SLC7A1: variants seen among roughly 807,000 people sequenced by gnomAD.
SLC7A1 encodes the protein solute carrier family 7 member 1, also known as high affinity cationic amino acid transporter 1.
Under a neutral mutation model 53.9 loss-of-function variants are expected in SLC7A1, and 10 were observed. The ratio of observed to expected loss-of-function variants is 0.19; its 90% confidence interval spans 0.11 to 0.31. The LOEUF is 0.31. Ranked by LOEUF, SLC7A1 falls within the 10% of genes least tolerant of loss-of-function variation. SLC7A1 has a pLI of 1.00. For synonymous variants in SLC7A1, 342 were observed against 338.7 expected (o/e 1.01, Z -0.11); for missense variants, 525 against 827.2 (o/e 0.63, Z 4.48).
intron 1 of SLC7A1, among the ~76,000 whole-genome samples, chr13:29,560,053 C>T (rs1256739947): frequency 6.6e-6 from 1 of 152,142 alleles, no homozygotes; most frequent in Non-Finnish European, 1.5e-5. Flanking sequence ...AATAACACAG[C>T]TTAAAACACA....
At chr13:29,583,808 A>G (rs187983363) in intron 1 of SLC7A1, among the ~76,000 whole-genome samples, 2 of 152,372 alleles carry the variant, frequency 1.3e-5, no homozygotes, top group Admixed American at 1.3e-4. Context: ...CATTCTTCCC[A>G]GTTCAATAAA....
At chr13:29,573,701 T>C (rs1871294074) in intron 1 of SLC7A1, among the ~76,000 whole-genome samples, 1 of 152,340 alleles carries the variant, frequency 6.6e-6, no homozygotes, top group East Asian at 1.9e-4. Context: ...TATATCACAA[T>C]GATGTCCCAA....
intron 1 of SLC7A1, among the ~76,000 whole-genome samples, chr13:29,576,293 T>TTTAAAAAAAAAAAAAAAAA (rs552407983): frequency 8.0e-6 from 1 of 124,954 alleles, no homozygotes; most frequent in African/African-American, 3.7e-5. Flanking sequence ...TCCTGTTTTT[T>TTTAAAAAAAAAAAAAAAAA]AAAAAAAAAA....
At chr13:29,555,490 A>T (rs1418645764) in intron 1 of SLC7A1, among the ~76,000 whole-genome samples, 1 of 151,798 alleles carries the variant, frequency 6.6e-6, no homozygotes, top group African/African-American at 2.4e-5. Flanking sequence ...CCTAACTGTC[A>T]GTTACTGCTA....
chr13:29,565,455 G>A (rs932351329), intron 1 of SLC7A1, among the ~76,000 whole-genome samples: 3 of 152,190 alleles, frequency 2.0e-5, no homozygotes, highest in African/African-American at 7.2e-5. Flanking sequence ...CCAGGGCATT[G>A]GCCTCCCAAG....
chr13:29,575,750 A>G (rs1449233474), intron 1 of SLC7A1, among the ~76,000 whole-genome samples: 2 of 152,212 alleles, frequency 1.3e-5, no homozygotes, highest in Admixed American at 1.3e-4. Context: ...TATTTTCAAT[A>G]CAGTACAAAC....
At chr13:29,530,980 G>A (rs1454391956) in intron 4 of SLC7A1, among the ~76,000 whole-genome samples, 2 of 152,102 alleles carry the variant, frequency 1.3e-5, no homozygotes, top group Non-Finnish European at 2.9e-5. Context: ...CCACCCAAGG[G>A]GCACCCGAGA....
At position 29,512,506 on chromosome 13, in the gene SLC7A1, C is replaced by T. The variant is rs77301268; in HGVS notation, c.*1974G>A. ...AAAGCAATTCTCTCCCACCACTTCA[C>T]TTTTCTTGGAGACTGTCTATCCCTC... is the stretch of plus-strand genomic sequence containing the variant. On this transcript the variant is annotated 3_prime_UTR_variant, in exon 13 of 13. Coordinates refer to ENST00000380752, the MANE Select transcript of SLC7A1 (RefSeq NM_003045.5). The T allele has an allele frequency of 6.6e-6, 1 of 152,204 alleles. No homozygotes were observed. Among genetic ancestry groups the T allele is most frequent in the Non-Finnish European group, 1.5e-5 (1 of 68,034 alleles). The allele number at this position is 152,204 out of a possible 1,614,324, so 9.4% of individuals were successfully genotyped here.
In SLC7A1 at chr13:29,592,659, T is replaced by C. The variant is rs143771377; in HGVS notation, c.-115+2757A>G. ...TGGGAGTGGGGGAGGAGGCAGATTA[T>C]GGCAAAACAGAAAGGGAGGCCACTA... On this transcript the variant is annotated intron_variant, in intron 1 of 12. Transcript: ENST00000380752. Among the ~76,000 whole-genome samples, 13 of 152,262 alleles carry C rather than the reference T, an allele frequency of 8.5e-5. No individual in the cohort carries two copies. The East Asian group carries it at 1.7e-3, about 20-fold the overall frequency.
At chr13:29,579,538 T>A (rs993250218) in intron 1 of SLC7A1, among the ~76,000 whole-genome samples, 1 of 152,160 alleles carries the variant, frequency 6.6e-6, no homozygotes, top group Admixed American at 6.5e-5. Flanking sequence ...TTTTTTTATA[T>A]TTTTATTAGA....
At chr13:29,552,874 G>T (rs7328185) in intron 2 of SLC7A1, among the ~76,000 whole-genome samples, 1 of 151,996 alleles carries the variant, frequency 6.6e-6, no homozygotes, top group Admixed American at 6.5e-5. Context: ...TTCCTCTAGC[G>T]CCGCTGGGTT....
At chr13:29,581,386 C>G (rs1393118486) in intron 1 of SLC7A1, among the ~76,000 whole-genome samples, 1 of 151,862 alleles carries the variant, frequency 6.6e-6, no homozygotes, top group South Asian at 2.1e-4. Flanking sequence ...TGCAAACCCC[C>G]GTGCTAGGCA....
intron 5 of SLC7A1, among the ~76,000 whole-genome samples, chr13:29,525,422 T>C (rs1355977943): frequency 6.6e-6 from 1 of 152,178 alleles, no homozygotes; most frequent in Non-Finnish European, 1.5e-5. Context: ...CTAAACCTTG[T>C]CAGCATGAAG....
intron 1 of SLC7A1, among the ~76,000 whole-genome samples, chr13:29,593,941 T>C (rs1593589747): frequency 1.3e-5 from 2 of 152,364 alleles, no homozygotes; most frequent in Non-Finnish European, 1.5e-5. Context: ...GATCGTAATA[T>C]GCTAAACCTA....
chr13:29,553,425 C>T (rs1870290445), intron 2 of SLC7A1, among the ~76,000 whole-genome samples: 1 of 152,110 alleles, frequency 6.6e-6, no homozygotes, highest in Admixed American at 6.5e-5. Context: ...CTGATCCTTC[C>T]CCAGAGCCTA....
In SLC7A1 at chr13:29,530,531, A is replaced by G. The variant is rs770511167; in HGVS notation, c.704+7T>C. ...ACTAAGAAAAATGGTCAGAAGCAGC[A>G]ACTCACTTGTTCAAACAGAGACGGC... On this transcript the variant is annotated splice_region_variant and intron_variant, in intron 5 of 12. Coordinates refer to ENST00000380752, the MANE Select transcript of SLC7A1 (RefSeq NM_003045.5). 2 of 1,612,950 alleles carry G rather than the reference A, an allele frequency of 1.2e-6. No individual in the cohort carries two copies. The highest frequency in any genetic ancestry group is 1.7e-6 in the Non-Finnish European group (2 of 1,179,184).
intron 1 of SLC7A1, among the ~76,000 whole-genome samples, chr13:29,584,945 C>T (rs56853211): frequency 0.096 from 14,554 of 152,232 alleles, 870 homozygotes; most frequent in African/African-American, 0.16. Context: ...TCGCATCACG[C>T]TGAATAAAAT....
In SLC7A1 at chr13:29,517,285, A is replaced by G. The variant is rs1393185998; in HGVS notation, c.1536T>C (p.Ile512=). The G allele has an allele frequency of 5.0e-6, 8 of 1,613,040 alleles. No homozygotes were observed. The highest frequency in any genetic ancestry group is 6.8e-6 in the Non-Finnish European group (8 of 1,179,656). The change falls in exon 11 of 13, where the codon ATT becomes ATC. Residue 512 remains isoleucine (I), a synonymous_variant. Coordinates refer to ENST00000380752, the MANE Select transcript of SLC7A1 (RefSeq NM_003045.5). Reference sequence around the variant, plus strand: ...GAGCCTCCCTTCCAAGCACGGTCACAATGCAGAAGGTGATGATGAGAACAG... The same window carrying G: ...GAGCCTCCCTTCCAAGCACGGTCACGATGCAGAAGGTGATGATGAGAACAG... ...LIAVLIITFC[I]VTVLGREALT...
intron 2 of SLC7A1, among the ~76,000 whole-genome samples, chr13:29,538,025 G>A (rs1869502178): frequency 6.6e-6 from 1 of 152,220 alleles, no homozygotes; most frequent in Non-Finnish European, 1.5e-5. Flanking sequence ...TCCAGGTCGT[G>A]CAGCAACTGG....
Sources: allele counts gnomAD v4.1 joint callset (sites outside exome capture counted in the v4.1 genomes callset), GRCh38; gene constraint gnomAD v4.1.1; transcripts MANE v1.5; gene names NCBI Gene and HGNC (gene_info 2026-07-23, HGNC 2026-07-21).